Variants in ROBO2 observed in about 807,000 individuals in gnomAD.
ROBO2 encodes roundabout guidance receptor 2, also known as roundabout homolog 2.
ROBO2 carries 53 observed loss-of-function variants against 160.8 expected under a neutral mutation model. That is an observed-to-expected ratio of 0.33 (90% CI 0.26 to 0.41). ROBO2 has a LOEUF of 0.41. Ranked by LOEUF, ROBO2 falls within the 10% of genes least tolerant of loss-of-function variation. ROBO2 has a pLI of 1.00. For synonymous variants in ROBO2, 664 were observed against 611.7 expected (o/e 1.09, Z -1.26); for missense variants, 1,577 against 1,722.4 (o/e 0.92, Z 1.49).
intron 2 of ROBO2, among the ~76,000 whole-genome samples, chr3:77,211,671 A>T (rs927344863): frequency 1.2e-4 from 18 of 152,102 alleles, no homozygotes; most frequent in African/African-American, 4.3e-4. Flanking sequence ...CTGAATGGTA[A>T]TGCCTAGGTT....
intron 2 of ROBO2, among the ~76,000 whole-genome samples, chr3:76,931,060 T>A (rs2077308095): frequency 6.6e-6 from 1 of 152,198 alleles, no homozygotes; most frequent in Non-Finnish European, 1.5e-5. Context: ...CACTGCTGCC[T>A]CATGAATGAA....
At chr3:77,509,778 C>T (rs1399442281) in intron 5 of ROBO2, among the ~76,000 whole-genome samples, 3 of 152,026 alleles carry the variant, frequency 2.0e-5, no homozygotes, top group African/African-American at 4.8e-5. Flanking sequence ...ATTCCCTCAT[C>T]AACAAATTTG....
chr3:76,818,756 C>A (rs2109093536), intron 2 of ROBO2, among the ~76,000 whole-genome samples: 1 of 152,098 alleles, frequency 6.6e-6, no homozygotes, highest in Non-Finnish European at 1.5e-5. Flanking sequence ...TGTGAAAGAT[C>A]AGTTGGCTGT....
intron 2 of ROBO2, among the ~76,000 whole-genome samples, chr3:76,258,373 G>T (rs574461850): frequency 1.3e-4 from 19 of 151,966 alleles, no homozygotes; most frequent in African/African-American, 4.3e-4. Context: ...CTGTTTTAAA[G>T]AAATTTCAGT....
intron 2 of ROBO2, among the ~76,000 whole-genome samples, chr3:76,090,723 G>A (rs1321761030): frequency 6.6e-6 from 1 of 152,138 alleles, no homozygotes; most frequent in East Asian, 1.9e-4. Context: ...AAACAGTGTC[G>A]TGTTGGTGAA....
intron 2 of ROBO2, among the ~76,000 whole-genome samples, chr3:77,211,533 ACT>A: frequency 6.6e-6 from 1 of 151,020 alleles, no homozygotes; most frequent in East Asian, 2.0e-4. Context: ...CATTCTGTTC[ACT>A]CTGATGGTAG....
At chr3:77,522,113 G>A (rs1240461664) in intron 5 of ROBO2, among the ~76,000 whole-genome samples, 1 of 151,060 alleles carries the variant, frequency 6.6e-6, no homozygotes. Flanking sequence ...AAATTTTTTG[G>A]TGTTATAATG....
At chr3:76,849,233 C>G (rs1164097493) in intron 2 of ROBO2, among the ~76,000 whole-genome samples, 1 of 152,136 alleles carries the variant, frequency 6.6e-6, no homozygotes, top group African/African-American at 2.4e-5. Flanking sequence ...AAGGAAACAG[C>G]TTTTCTTAGG....
chr3:75,985,202 C>T (rs937827838), intron 2 of ROBO2, among the ~76,000 whole-genome samples: 7 of 151,478 alleles, frequency 4.6e-5, no homozygotes, highest in African/African-American at 1.7e-4. Flanking sequence ...AACTTTCCTA[C>T]TCATTTTATT....
chr3:76,352,933 G>T (rs1196433888), intron 2 of ROBO2, among the ~76,000 whole-genome samples: 2 of 151,978 alleles, frequency 1.3e-5, no homozygotes, highest in Non-Finnish European at 1.5e-5. Context: ...TTGACAAGAG[G>T]TTGCAGGAAG....
chr3:76,368,583 G>A (rs2075952043), intron 2 of ROBO2, among the ~76,000 whole-genome samples: 1 of 151,900 alleles, frequency 6.6e-6, no homozygotes, highest in Non-Finnish European at 1.5e-5. Context: ...TCCTGTCAGA[G>A]CATTTAGACA....
intron 6 of ROBO2, among the ~76,000 whole-genome samples, chr3:77,533,896 T>A (rs536607933): frequency 6.6e-6 from 1 of 151,512 alleles, no homozygotes; most frequent in African/African-American, 2.4e-5. Context: ...TTTTTTTTTT[T>A]CTTTCTGTCA....
At chr3:77,605,169 A>AG (rs1444653181) in intron 20 of ROBO2, among the ~76,000 whole-genome samples, 1 of 146,988 alleles carries the variant, frequency 6.8e-6, no homozygotes, top group African/African-American at 2.5e-5. Flanking sequence ...GTCTCAAGGA[A>AG]AAAAAAAAAG....
At chr3:75,984,247 A>G (rs1009419088) in intron 2 of ROBO2, among the ~76,000 whole-genome samples, 3 of 151,748 alleles carry the variant, frequency 2.0e-5, no homozygotes, top group Admixed American at 1.3e-4. Flanking sequence ...TAAAGGAGTT[A>G]TTAGACTAAT....
At chr3:76,927,637 A>G (rs181748421) in intron 2 of ROBO2, among the ~76,000 whole-genome samples, 13 of 152,348 alleles carry the variant, frequency 8.5e-5, no homozygotes, top group Admixed American at 7.8e-4. Flanking sequence ...GCCAAGAAAT[A>G]AAGTATAGCT....
chr3:76,996,014 G>C (rs1408207593), intron 2 of ROBO2, among the ~76,000 whole-genome samples: 1 of 152,158 alleles, frequency 6.6e-6, no homozygotes, highest in Non-Finnish European at 1.5e-5. Context: ...TTTTAGACAT[G>C]AAGTCCTTGC....
chr3:76,558,699 T>C (rs1481960999), intron 2 of ROBO2, among the ~76,000 whole-genome samples: 2 of 152,140 alleles, frequency 1.3e-5, no homozygotes, highest in Non-Finnish European at 2.9e-5. Flanking sequence ...AGTTTCTCAC[T>C]AGTTTAGACA....
intron 2 of ROBO2, among the ~76,000 whole-genome samples, chr3:75,940,258 T>C (rs1947991546): frequency 6.6e-6 from 1 of 152,164 alleles, no homozygotes; most frequent in South Asian, 2.1e-4. Flanking sequence ...AATATCATAG[T>C]ATATCTCAAC....
intron 2 of ROBO2, among the ~76,000 whole-genome samples, chr3:76,774,714 A>C (rs1164696856): frequency 2.0e-5 from 3 of 150,752 alleles, no homozygotes; most frequent in Non-Finnish European, 3.0e-5. Context: ...GTTTGAAAGA[A>C]ATCTATGTTT....
Sources: allele counts gnomAD v4.1 joint callset (sites outside exome capture counted in the v4.1 genomes callset), GRCh38; gene constraint gnomAD v4.1.1; transcripts MANE v1.5; gene names NCBI Gene and HGNC (gene_info 2026-07-23, HGNC 2026-07-21).